GLCCI1: variants seen among roughly 807,000 people sequenced by gnomAD.
GLCCI1 encodes the protein glucocorticoid induced 1.
A neutral mutation model predicts 52.2 loss-of-function variants in GLCCI1; 24 were observed. The ratio of observed to expected loss-of-function variants is 0.46; its 90% CI spans 0.33 to 0.65. GLCCI1 has a LOEUF of 0.65. Among genes scored for constraint, GLCCI1 ranks in the 30% least tolerant of loss-of-function variants. GLCCI1 has a pLI of 0.02. For synonymous variants in GLCCI1, 310 were observed against 276.5 expected (o/e 1.12, Z -1.20); for missense variants, 704 against 701.5 (o/e 1.00, Z -0.04).
chr7:7,975,075 G>A (rs1293152838), intron 1 of GLCCI1, among the ~76,000 whole-genome samples: 1 of 152,102 alleles, frequency 6.6e-6, no homozygotes, highest in Non-Finnish European at 1.5e-5. Flanking sequence ...CTGATGGAAG[G>A]CAGATACTAC....
chr7:7,980,461 G>T (rs554804794), intron 1 of GLCCI1: 19 of 295,924 alleles, frequency 6.4e-5, no homozygotes, highest in Non-Finnish European at 1.0e-4. Context: ...GAAGGTACTC[G>T]CCTGCTTTAA....
intron 3 of GLCCI1, among the ~76,000 whole-genome samples, chr7:8,031,185 G>C (rs1781739967): frequency 6.6e-6 from 1 of 152,080 alleles, no homozygotes; most frequent in Non-Finnish European, 1.5e-5. Flanking sequence ...GGTACTTATA[G>C]ACAAAGCAGT....
rs971166987 is a variant in GLCCI1 at position 8,087,809 on chromosome 7, T to C, written c.*1271T>C. 1 of 152,578 alleles carries C rather than the reference T, an allele frequency of 6.6e-6. No homozygotes were observed. Among genetic ancestry groups the C allele is most frequent in the Admixed American group, 6.5e-5 (1 of 15,282 alleles). 9.5% of individuals were successfully genotyped at this position (152,578 alleles called of 1,614,324 possible). ...GCCTCTCATAATGCATAATCATGAG[T>C]AGTTTTGAAATTTGCAACCTGTGAG... On this transcript the variant is annotated 3_prime_UTR_variant, in exon 8 of 8. Transcript: ENST00000223145.
At chr7:8,049,591 A>G (rs1015430210) in intron 3 of GLCCI1, among the ~76,000 whole-genome samples, 4 of 152,214 alleles carry the variant, frequency 2.6e-5, no homozygotes, top group Non-Finnish European at 5.9e-5. Context: ...ATCAAAAAAT[A>G]TAGAAACTTA....
At chr7:8,048,081 T>C (rs893522050) in intron 3 of GLCCI1, among the ~76,000 whole-genome samples, 28 of 152,266 alleles carry the variant, frequency 1.8e-4, no homozygotes, top group Middle Eastern at 3.4e-3. Flanking sequence ...GAAAAGGAAA[T>C]GGAATAGAAA....
chr7:8,081,601 AT>A (rs1289236935), intron 6 of GLCCI1, among the ~76,000 whole-genome samples: 1 of 152,226 alleles, frequency 6.6e-6, no homozygotes, highest in Non-Finnish European at 1.5e-5. Context: ...ACCAGATATA[AT>A]AAAAATCAGA....
At chr7:8,080,519 G>A (rs1782972557) in intron 6 of GLCCI1, among the ~76,000 whole-genome samples, 1 of 151,408 alleles carries the variant, frequency 6.6e-6, no homozygotes, top group Non-Finnish European at 1.5e-5. Flanking sequence ...ACTAAAGGAT[G>A]CCATCATGAA....
intron 1 of GLCCI1, among the ~76,000 whole-genome samples, chr7:7,992,982 T>C (rs563215680): frequency 5.9e-5 from 9 of 152,178 alleles, no homozygotes; most frequent in Admixed American, 5.9e-4. Flanking sequence ...AGTAATGAGG[T>C]TTTTCATCAC....
At chr7:8,024,724 A>G (rs1035262815) in intron 3 of GLCCI1, 1 of 152,236 alleles carries the variant, frequency 6.6e-6, no homozygotes, top group Non-Finnish European at 1.5e-5. Flanking sequence ...GAAGGCAACC[A>G]TTAAAGCTGG....
chr7:7,987,834 C>A (rs1009761033), intron 1 of GLCCI1, among the ~76,000 whole-genome samples: 7 of 152,204 alleles, frequency 4.6e-5, no homozygotes, highest in African/African-American at 1.7e-4. Context: ...AGTTATCCTT[C>A]CGCTTTGGCC....
intron 6 of GLCCI1, among the ~76,000 whole-genome samples, chr7:8,071,620 T>C (rs1193230824): frequency 6.6e-6 from 1 of 152,210 alleles, no homozygotes; most frequent in African/African-American, 2.4e-5. Flanking sequence ...TTACAGTATG[T>C]AGATAAATTA....
chr7:8,043,772 A>C (rs1229895981), intron 3 of GLCCI1, among the ~76,000 whole-genome samples: 1 of 152,212 alleles, frequency 6.6e-6, no homozygotes, highest in Non-Finnish European at 1.5e-5. Context: ...ATAAAAGACT[A>C]ATGTGATTTT....
At chr7:8,085,804 T>G (rs1478474354) in intron 7 of GLCCI1, among the ~76,000 whole-genome samples, 1 of 152,092 alleles carries the variant, frequency 6.6e-6, no homozygotes, top group Non-Finnish European at 1.5e-5. Context: ...AAGGAGAAAG[T>G]GTTTAAATAC....
intron 1 of GLCCI1, among the ~76,000 whole-genome samples, chr7:7,972,047 TA>T (rs1256335487): frequency 6.6e-6 from 1 of 152,202 alleles, no homozygotes; most frequent in Non-Finnish European, 1.5e-5. Context: ...CTACCCAAAT[TA>T]AAACTGTCCT....
chr7:8,058,243 G>C (rs928022458), intron 4 of GLCCI1, among the ~76,000 whole-genome samples: 1 of 152,112 alleles, frequency 6.6e-6, no homozygotes, highest in Non-Finnish European at 1.5e-5. Context: ...ACATCTTTGA[G>C]AACATGAAAT....
chr7:8,040,379 AG>A (rs1781971749), intron 3 of GLCCI1, among the ~76,000 whole-genome samples: 1 of 152,172 alleles, frequency 6.6e-6, no homozygotes, highest in African/African-American at 2.4e-5. Flanking sequence ...CGAGTTACTC[AG>A]GATGTTGAGA....
intron 3 of GLCCI1, among the ~76,000 whole-genome samples, chr7:8,035,778 G>T (rs531688885): frequency 1.3e-5 from 2 of 152,306 alleles, no homozygotes; most frequent in African/African-American, 4.8e-5. Context: ...GTGTGACAGG[G>T]AAGCAAATCA....
At chr7:8,035,118 G>A (rs926117985) in intron 3 of GLCCI1, among the ~76,000 whole-genome samples, 4 of 152,160 alleles carry the variant, frequency 2.6e-5, no homozygotes, top group Admixed American at 1.3e-4. Flanking sequence ...CAGCCACATA[G>A]TGCTGGCTGG....
At chr7:7,981,818 T>C in intron 1 of GLCCI1, 1 of 423,828 alleles carries the variant, frequency 2.4e-6, no homozygotes, top group African/African-American at 2.1e-5. Flanking sequence ...AAAGATAAAG[T>C]AAGCCCAAAT....
Sources: allele counts gnomAD v4.1 joint callset (sites outside exome capture counted in the v4.1 genomes callset), GRCh38; gene constraint gnomAD v4.1.1; transcripts MANE v1.5; gene names NCBI Gene and HGNC (gene_info 2026-07-23, HGNC 2026-07-21).